Variants in DRC9 observed in about 807,000 individuals in gnomAD.
DRC9 encodes the protein dynein regulatory complex protein 9.
At chr3:197,918,813 ATTG>A in the DRC9 span, among the ~76,000 whole-genome samples, 3 of 151,976 alleles carry the variant, frequency 2.0e-5, no homozygotes, top group Admixed American at 6.6e-5. Context: ...AGTGTTTTTT[ATTG>A]TTGTTGTTTT....
chr3:197,919,793 T>C, the DRC9 span, among the ~76,000 whole-genome samples: 2 of 152,128 alleles, frequency 1.3e-5, no homozygotes, highest in African/African-American at 4.8e-5. Context: ...ATCTGGGAAG[T>C]TGGCACTTGT....
chr3:197,940,003 A>T, the DRC9 span, among the ~76,000 whole-genome samples: 7,079 of 151,818 alleles, frequency 0.047, 274 homozygotes, highest in African/African-American at 0.1. Context: ...ACTAAAAAAA[A>T]TTTTTTTTGA....
At chr3:197,937,736 C>A in the DRC9 span, among the ~76,000 whole-genome samples, 1 of 151,964 alleles carries the variant, frequency 6.6e-6, no homozygotes, top group South Asian at 2.1e-4. Flanking sequence ...CCTCTACCTC[C>A]CAAAGTGCCG....
chr3:197,942,021 A>G, the DRC9 span, among the ~76,000 whole-genome samples: 1 of 152,102 alleles, frequency 6.6e-6, no homozygotes, highest in Non-Finnish European at 1.5e-5. Flanking sequence ...TACATTATAC[A>G]ATTCCTGTGA....
chr3:197,957,694 T>C, the DRC9 span: 2 of 152,152 alleles, frequency 1.3e-5, no homozygotes, highest in African/African-American at 4.8e-5. Context: ...GAAATTGAAC[T>C]TGGGAATTAC....
the DRC9 span, among the ~76,000 whole-genome samples, chr3:197,942,161 T>C: frequency 6.6e-6 from 1 of 152,116 alleles, no homozygotes; most frequent in Non-Finnish European, 1.5e-5. Context: ...AGTGAAATGA[T>C]TGCTAACAGC....
chr3:197,950,211 C>T, the DRC9 span: 3 of 1,231,494 alleles, frequency 2.4e-6, no homozygotes, highest in South Asian at 4.1e-5. Flanking sequence ...GCCATCTTGG[C>T]TCCTGTGGAG....
At chr3:197,938,041 C>T in the DRC9 span, among the ~76,000 whole-genome samples, 10 of 152,078 alleles carry the variant, frequency 6.6e-5, no homozygotes, top group East Asian at 1.5e-3. Flanking sequence ...AAGGGCCGGG[C>T]GCGGTGGCTC....
At chr3:197,918,447 G>T in the DRC9 span, among the ~76,000 whole-genome samples, 1 of 151,840 alleles carries the variant, frequency 6.6e-6, no homozygotes, top group African/African-American at 2.4e-5. Context: ...GCAAAAATGT[G>T]ATGGTTTTAC....
the DRC9 span, chr3:197,953,861 A>G: frequency 1.3e-6 from 1 of 766,454 alleles, no homozygotes; most frequent in African/African-American, 1.7e-5. Flanking sequence ...TATCTGTTGA[A>G]TGAATGGTGT....
the DRC9 span, among the ~76,000 whole-genome samples, chr3:197,906,940 A>G: frequency 6.6e-6 from 1 of 152,202 alleles, no homozygotes; most frequent in Admixed American, 6.5e-5. Context: ...TTTTGTTCCT[A>G]GAGATACCAT....
At chr3:197,940,004 T>A in the DRC9 span, among the ~76,000 whole-genome samples, 7 of 138,626 alleles carry the variant, frequency 5.0e-5, no homozygotes, top group Non-Finnish European at 8.1e-5. Context: ...CTAAAAAAAA[T>A]TTTTTTTGAG....
the DRC9 span, chr3:197,938,396 T>C: frequency 1.5e-6 from 1 of 646,394 alleles, no homozygotes; most frequent in Middle Eastern, 2.8e-4. Flanking sequence ...ACCCTGCCTC[T>C]AGGCAGTCTT....
At chr3:197,943,677 G>T in the DRC9 span, 1 of 1,047,682 alleles carries the variant, frequency 9.5e-7, no homozygotes, top group Non-Finnish European at 1.4e-6. Flanking sequence ...AAGAGAGAGA[G>T]AGAAAGAAAG....
chr3:197,918,912 G>A, the DRC9 span, among the ~76,000 whole-genome samples: 3 of 152,038 alleles, frequency 2.0e-5, no homozygotes, highest in East Asian at 3.9e-4. Context: ...AGGTTCAAGC[G>A]ATTCTCCTGC....
chr3:197,944,265 T>C, the DRC9 span, among the ~76,000 whole-genome samples: 7 of 151,726 alleles, frequency 4.6e-5, no homozygotes, highest in East Asian at 1.2e-3. Context: ...TTTTTTTTTT[T>C]TTCTTTTTTT....
chr3:197,891,644 A>C, the DRC9 span: 1 of 569,038 alleles, frequency 1.8e-6, no homozygotes, highest in Non-Finnish European at 3.1e-6. Flanking sequence ...TCAAAATAAA[A>C]CATGCTCAAT....
chr3:197,932,105 G>A, the DRC9 span: 1 of 1,517,396 alleles, frequency 6.6e-7, no homozygotes, highest in South Asian at 1.2e-5. Context: ...TAAAATTCAA[G>A]GATTTCCAGT....
At chr3:197,904,485 T>TG in the DRC9 span, among the ~76,000 whole-genome samples, 46 of 152,304 alleles carry the variant, frequency 3.0e-4, no homozygotes, top group African/African-American at 1.1e-3. Context: ...GGAAGAGATG[T>TG]CTGCACTCCT....
Sources: allele counts gnomAD v4.1 joint callset (sites outside exome capture counted in the v4.1 genomes callset), GRCh38; gene constraint gnomAD v4.1.1; transcripts MANE v1.5; gene names NCBI Gene and HGNC (gene_info 2026-07-23, HGNC 2026-07-21).